Variants in ADCY2 observed in about 807,000 individuals in gnomAD.
ADCY2 encodes the protein adenylate cyclase type 2.
Under a neutral mutation model 125.2 loss-of-function variants are expected in ADCY2, and 31 were observed. The observed-to-expected ratio is 0.25, with a 90% CI of 0.19 to 0.33. The LOEUF is 0.33. ADCY2 is among the 10% of genes least tolerant of loss of function. The pLI is 1.00. For missense variants in ADCY2, 904 were observed against 1,418.2 expected (o/e 0.64, Z 5.82); for synonymous variants, 512 against 548.4 (o/e 0.93, Z 0.93).
At chr5:7,726,293 C>G (rs1050122680) in intron 13 of ADCY2, among the ~76,000 whole-genome samples, 2 of 152,148 alleles carry the variant, frequency 1.3e-5, no homozygotes, top group Admixed American at 1.3e-4. Context: ...TGGTGAAGGT[C>G]CTGGTTTCCC....
At chr5:7,503,808 A>G (rs1743691915) in intron 2 of ADCY2, among the ~76,000 whole-genome samples, 1 of 152,232 alleles carries the variant, frequency 6.6e-6, no homozygotes, top group Non-Finnish European at 1.5e-5. Context: ...TTGCATGGAC[A>G]CCTGGTTCAA....
At chr5:7,414,222 C>T (rs1739846242) in intron 1 of ADCY2, among the ~76,000 whole-genome samples, 1 of 152,220 alleles carries the variant, frequency 6.6e-6, no homozygotes, top group South Asian at 2.1e-4. Flanking sequence ...TTCTGCTCCT[C>T]TGATTTAGGG....
At chr5:7,447,484 G>C (rs547692934) in intron 2 of ADCY2, among the ~76,000 whole-genome samples, 2 of 152,282 alleles carry the variant, frequency 1.3e-5, no homozygotes, top group East Asian at 1.9e-4. Flanking sequence ...GTCCAGCTCT[G>C]TGCTGGTACA....
At chr5:7,610,505 T>C (rs1737542999) in intron 3 of ADCY2, among the ~76,000 whole-genome samples, 1 of 151,512 alleles carries the variant, frequency 6.6e-6, no homozygotes, top group Non-Finnish European at 1.5e-5. Context: ...TGCCTTGGGT[T>C]GCTACATGAA....
At chr5:7,446,058 T>C (rs1034098849) in intron 2 of ADCY2, among the ~76,000 whole-genome samples, 1 of 152,214 alleles carries the variant, frequency 6.6e-6, no homozygotes, top group Non-Finnish European at 1.5e-5. Context: ...TTTTTCTCAC[T>C]CTAGTAGGAA....
chr5:7,525,098 G>A (rs1734408879), intron 3 of ADCY2, among the ~76,000 whole-genome samples: 1 of 152,138 alleles, frequency 6.6e-6, no homozygotes, highest in African/African-American at 2.4e-5. Flanking sequence ...CACCTCCCGA[G>A]TTCAAGCAAT....
chr5:7,537,341 C>T (rs576115019), intron 3 of ADCY2, among the ~76,000 whole-genome samples: 3 of 152,338 alleles, frequency 2.0e-5, no homozygotes, highest in South Asian at 2.1e-4. Context: ...ATTGTCTCCA[C>T]TTCAGTGTCC....
chr5:7,557,846 G>A (rs1735576057), intron 3 of ADCY2, among the ~76,000 whole-genome samples: 1 of 152,162 alleles, frequency 6.6e-6, no homozygotes, highest in African/African-American at 2.4e-5. Flanking sequence ...TGTCCTCATA[G>A]TAGAATGATT....
intron 22 of ADCY2, among the ~76,000 whole-genome samples, chr5:7,816,171 C>A (rs1386003897): frequency 2.0e-5 from 3 of 152,224 alleles, no homozygotes; most frequent in Non-Finnish European, 2.9e-5. Context: ...AACATATGAA[C>A]TTGGAGGGAC....
At chr5:7,717,817 C>A (rs976866391) in intron 12 of ADCY2, among the ~76,000 whole-genome samples, 1 of 152,140 alleles carries the variant, frequency 6.6e-6, no homozygotes, top group African/African-American at 2.4e-5. Flanking sequence ...AGAATGACTG[C>A]GCTCATCACC....
intron 5 of ADCY2, among the ~76,000 whole-genome samples, chr5:7,693,429 T>G (rs1311944783): frequency 7.1e-6 from 1 of 140,852 alleles, no homozygotes; most frequent in East Asian, 1.9e-4. Context: ...TTTTTTTTTT[T>G]TTTTTTTGAG....
chr5:7,650,856 A>C (rs1026779419), intron 4 of ADCY2, among the ~76,000 whole-genome samples: 1 of 152,204 alleles, frequency 6.6e-6, no homozygotes, highest in Non-Finnish European at 1.5e-5. Flanking sequence ...TCTGGAACAG[A>C]AATCATTCTC....
intron 2 of ADCY2, among the ~76,000 whole-genome samples, chr5:7,460,014 C>G (rs1211187147): frequency 6.6e-6 from 1 of 151,776 alleles, no homozygotes; most frequent in Non-Finnish European, 1.5e-5. Context: ...TCTGAATCTC[C>G]TGACCTCGCG....
At chr5:7,429,317 C>T (rs1380756971) in intron 2 of ADCY2, among the ~76,000 whole-genome samples, 1 of 152,148 alleles carries the variant, frequency 6.6e-6, no homozygotes. Flanking sequence ...CATGTTTACT[C>T]AGAGATTTTA....
At chr5:7,755,865 A>G (rs1233325461) in intron 15 of ADCY2, among the ~76,000 whole-genome samples, 1 of 152,252 alleles carries the variant, frequency 6.6e-6, no homozygotes, top group Non-Finnish European at 1.5e-5. Flanking sequence ...TGAAAGAAGT[A>G]GAGAACTGAA....
chr5:7,574,147 G>A (rs13157372), intron 3 of ADCY2, among the ~76,000 whole-genome samples: 33,792 of 85,144 alleles, frequency 0.4, 7,643 homozygotes, highest in Middle Eastern at 0.54. Flanking sequence ...CATTTTCTTA[G>A]TCCAGTCTAT....
intron 24 of ADCY2, among the ~76,000 whole-genome samples, chr5:7,822,726 A>ATGTG (rs33999538): frequency 7.3e-5 from 11 of 151,204 alleles, no homozygotes; most frequent in African/African-American, 2.7e-4. Flanking sequence ...GTGTACATGC[A>ATGTG]TGTGTGTGTG....
At chr5:7,574,507 TA>T (rs1296331691) in intron 3 of ADCY2, among the ~76,000 whole-genome samples, 5 of 151,992 alleles carry the variant, frequency 3.3e-5, no homozygotes, top group Non-Finnish European at 5.9e-5. Context: ...GGGCATGGAG[TA>T]CCTGGCTCTG....
At chr5:7,427,676 A>AATGATC (rs1740436046) in intron 2 of ADCY2, among the ~76,000 whole-genome samples, 1 of 152,136 alleles carries the variant, frequency 6.6e-6, no homozygotes, top group African/African-American at 2.4e-5. Context: ...TTACATCTAC[A>AATGATC]ATGATCTTAT....
Sources: gnomAD v4.1 joint callset for allele counts (sites outside exome capture counted in the v4.1 genomes callset) on GRCh38, gnomAD v4.1.1 for gene constraint, MANE v1.5 for transcripts, NCBI Gene and HGNC (gene_info 2026-07-23, HGNC 2026-07-21) for gene names.